GPR39: variants seen among roughly 807,000 people sequenced by gnomAD.
The protein encoded by GPR39 is zinc sensing receptor.
A neutral mutation model predicts 18.4 loss-of-function variants in GPR39; 23 were observed. The ratio of observed to expected loss-of-function variants is 1.25; its 90% CI spans 0.90 to 1.77. GPR39 has a LOEUF of 1.77. Among genes scored for constraint, GPR39 ranks in the 40% most tolerant of loss-of-function variants. The probability of loss-of-function intolerance (pLI) is 0.00; values close to 1 mark genes in which losing one functional copy is unlikely to be tolerated. For synonymous variants in GPR39, 280 were observed against 257.9 expected, an observed-to-expected ratio of 1.09 and a Z score of -0.82; for missense variants, 647 against 602.4, an observed-to-expected ratio of 1.07 and a Z score of -0.78.
chr2:132,492,512 T>TATAC (rs1558814371), intron 1 of GPR39, among the ~76,000 whole-genome samples: 2 of 136,442 alleles, frequency 1.5e-5, no homozygotes, highest in Admixed American at 7.7e-5. Flanking sequence ...ACACCATATA[T>TATAC]ACCATATATA....
At chr2:132,606,613 G>T (rs1273127944) in intron 1 of GPR39, among the ~76,000 whole-genome samples, 1 of 152,252 alleles carries the variant, frequency 6.6e-6, no homozygotes, top group Admixed American at 6.5e-5. Context: ...GCTGTCTGCA[G>T]TTGGCTTGTG....
chr2:132,499,573 G>A (rs767586653), intron 1 of GPR39, among the ~76,000 whole-genome samples: 8 of 151,904 alleles, frequency 5.3e-5, no homozygotes, highest in Non-Finnish European at 7.4e-5. Flanking sequence ...GATTCCATAT[G>A]AATTTTAGGA....
rs571451403 is a variant in GPR39 at position 132,635,622 on chromosome 2, T to C, written c.857-9479T>C. 2.1e-4 allele frequency among the ~76,000 whole-genome samples: 32 copies of C among 151,764 alleles called. No individual in the cohort carries two copies. The South Asian group carries it at 6.7e-3, about 32-fold the overall frequency. On this transcript the variant is annotated intron_variant, in intron 1 of 1. Coordinates refer to ENST00000329321, the MANE Select transcript of GPR39 (RefSeq NM_001508.3). ...GCAGCGTGTGCAGAGGCATGGAGGC[T>C]AAAGAAAAGAGATGGGGGAGGGGGC...
At chr2:132,567,433 G>A (rs947560129) in intron 1 of GPR39, among the ~76,000 whole-genome samples, 1 of 152,196 alleles carries the variant, frequency 6.6e-6, no homozygotes, top group Non-Finnish European at 1.5e-5. Context: ...GAGTGGGTTA[G>A]TCAGCACAAG....
chr2:132,619,698 C>T (rs1391576713), intron 1 of GPR39, among the ~76,000 whole-genome samples: 1 of 152,112 alleles, frequency 6.6e-6, no homozygotes, highest in Non-Finnish European at 1.5e-5. Context: ...ATTAGACCTA[C>T]TTTCCTTGCA....
intron 1 of GPR39, among the ~76,000 whole-genome samples, chr2:132,461,663 C>T (rs1051337660): frequency 2.0e-5 from 3 of 152,096 alleles, no homozygotes; most frequent in African/African-American, 7.2e-5. Flanking sequence ...AGCTTTTTGT[C>T]GTAAATCCCC....
At chr2:132,605,933 G>T (rs982284595) in intron 1 of GPR39, among the ~76,000 whole-genome samples, 6 of 152,202 alleles carry the variant, frequency 3.9e-5, no homozygotes, top group African/African-American at 1.4e-4. Context: ...CTTTCATTTA[G>T]TGGGCTTGCC....
At chr2:132,626,462 T>C (rs1312222891) in intron 1 of GPR39, among the ~76,000 whole-genome samples, 1 of 152,190 alleles carries the variant, frequency 6.6e-6, no homozygotes, top group Non-Finnish European at 1.5e-5. Context: ...CCCTGAGTTC[T>C]ACATCCAAAA....
At chr2:132,527,194 G>T (rs1214983115) in intron 1 of GPR39, among the ~76,000 whole-genome samples, 3 of 152,078 alleles carry the variant, frequency 2.0e-5, no homozygotes, top group Non-Finnish European at 4.4e-5. Context: ...TGCTATGTTT[G>T]GTTTTCTATT....
intron 1 of GPR39, among the ~76,000 whole-genome samples, chr2:132,426,894 G>A (rs924808900): frequency 7.9e-5 from 12 of 151,898 alleles, no homozygotes; most frequent in Admixed American, 3.9e-4. Context: ...TGAAACTAAC[G>A]GCATGCAGAA....
chr2:132,523,330 AAACAATG>A (rs1679455571), intron 1 of GPR39, among the ~76,000 whole-genome samples: 1 of 152,250 alleles, frequency 6.6e-6, no homozygotes, highest in African/African-American at 2.4e-5. Context: ...CTATCTCAGA[AAACAATG>A]AACAATCCAT....
intron 1 of GPR39, among the ~76,000 whole-genome samples, chr2:132,637,552 C>G (rs1214533348): frequency 6.6e-6 from 1 of 152,224 alleles, no homozygotes; most frequent in Non-Finnish European, 1.5e-5. Flanking sequence ...AACCAAATCC[C>G]AACAGTTCTT....
Position 132,645,238 on chromosome 2 carries a change from T to A in GPR39, c.994T>A (p.Phe332Ile). The A allele has an allele frequency of 6.2e-7, 1 of 1,614,024 alleles. No homozygotes were observed. The highest frequency in any genetic ancestry group is 8.5e-7 in the Non-Finnish European group (1 of 1,179,994). Residue 332 changes from phenylalanine to isoleucine, a missense_variant, in exon 2 of 2, where the codon TTT (phenylalanine) becomes ATT (isoleucine). Phe to Ile is a conservative substitution (Grantham distance 21, BLOSUM62 0). This residue lies in a region of GPR39 where 581 missense variants were observed against 506.8 expected (regional missense o/e 1.15). Coordinates refer to ENST00000329321, the MANE Select transcript of GPR39 (RefSeq NM_001508.3). Reference protein sequence around the residue: ...YMILLPFSETFFYLSSVINPL... With the variant: ...YMILLPFSETIFYLSSVINPL... ...GATCCTCCTCCCCTTCTCGGAGACG[T>A]TTTTCTACCTCAGCTCGGTCATCAA...
chr2:132,540,556 A>G (rs757957643), intron 1 of GPR39, among the ~76,000 whole-genome samples: 2 of 152,194 alleles, frequency 1.3e-5, no homozygotes, highest in African/African-American at 4.8e-5. Context: ...ACCCCGGAGC[A>G]TCACCCTTTA....
intron 1 of GPR39, among the ~76,000 whole-genome samples, chr2:132,428,011 T>C (rs1680159818): frequency 6.7e-6 from 1 of 150,200 alleles, no homozygotes; most frequent in Non-Finnish European, 1.5e-5. Flanking sequence ...GGGTTTTCAC[T>C]GTTTTTCAAG....
At chr2:132,597,152 G>C (rs1187956678) in intron 1 of GPR39, among the ~76,000 whole-genome samples, 1 of 152,154 alleles carries the variant, frequency 6.6e-6, no homozygotes, top group African/African-American at 2.4e-5. Flanking sequence ...GACAGTAAAG[G>C]CACAGCCAAG....
intron 1 of GPR39, among the ~76,000 whole-genome samples, chr2:132,599,237 T>A (rs1327370163): frequency 6.6e-6 from 1 of 152,226 alleles, no homozygotes; most frequent in Non-Finnish European, 1.5e-5. Context: ...TCTTTGGGAC[T>A]CTTAAATATC....
intron 1 of GPR39, among the ~76,000 whole-genome samples, chr2:132,514,084 G>A (rs6750271): frequency 0.44 from 67,530 of 151,864 alleles, 15,782 homozygotes; most frequent in Non-Finnish European, 0.5. Flanking sequence ...TGGGTGATAC[G>A]GGGATGGGGG....
chr2:132,568,631 G>A (rs34739313), intron 1 of GPR39, among the ~76,000 whole-genome samples: 37,358 of 151,852 alleles, frequency 0.25, 5,953 homozygotes, highest in East Asian at 0.77. Flanking sequence ...GCTGGAACCC[G>A]GGAGGCAGAG....
Sources: allele counts gnomAD v4.1 joint callset (sites outside exome capture counted in the v4.1 genomes callset), GRCh38; gene constraint gnomAD v4.1.1; regional missense constraint gnomAD v4.1.1; transcripts MANE v1.5; gene names NCBI Gene and HGNC (gene_info 2026-07-23, HGNC 2026-07-21).